Variants in ZFHX2 observed in about 807,000 individuals in gnomAD.
ZFHX2 encodes zinc finger homeobox protein 2.
In ZFHX2, 75 loss-of-function variants were observed where a neutral mutation model predicts 164.8. The observed-to-expected ratio is 0.46, with a 90% confidence interval of 0.38 to 0.55. ZFHX2 has a LOEUF of 0.55. Among genes scored for constraint, ZFHX2 ranks in the 20% least tolerant of loss-of-function variants. The pLI is 0.00. For missense variants in ZFHX2, 2,933 were observed against 3,308.0 expected (o/e 0.89, Z 2.78); for synonymous variants, 1,217 against 1,351.4 (o/e 0.90, Z 2.18).
chr14:23,528,604 A>C, intron 6 of ZFHX2: 1 of 985,260 alleles, frequency 1.0e-6, no homozygotes, highest in Non-Finnish European at 1.2e-6. Flanking sequence ...GCCTCTGTGA[A>C]CCATCACCTG....
Position 23,522,637 on chromosome 14 carries a change from A to G in ZFHX2, c.7044T>C (p.Phe2348=), listed in dbSNP as rs1183533103. The change falls in exon 10 of 10, where the codon TTT becomes TTC. Residue 2348 remains phenylalanine (F), a synonymous_variant. Coordinates refer to ENST00000419474, the MANE Select transcript of ZFHX2 (RefSeq NM_033400.3). ...PALLGGQFLP[F]PLPPAGGTAP... ...CTGTTCCCCCAGCAGGGGGCAATGG[A>G]AAGGGCAGGAACTGGCCCCCCAACA... The G allele has an allele frequency of 6.5e-7, 1 of 1,535,318 alleles. No individual in the cohort carries two copies. Among genetic ancestry groups the G allele is most frequent in the South Asian group, 1.2e-5 (1 of 83,988 alleles).
intron 1 of ZFHX2, among the ~76,000 whole-genome samples, chr14:23,549,341 A>C (rs1376576505): frequency 1.3e-5 from 2 of 151,354 alleles, no homozygotes; most frequent in African/African-American, 4.9e-5. Flanking sequence ...AATTCTGTTC[A>C]CCTCTGAAAT....
chr14:23,552,095 C>T (rs1002462646), upstream of ZFHX2, among the ~76,000 whole-genome samples: 44 of 152,176 alleles, frequency 2.9e-4, no homozygotes, highest in African/African-American at 1.0e-3. Context: ...TTCTCTTCTT[C>T]CTGCCTTATT....
Position 23,522,337 on chromosome 14 carries a change from G to A in ZFHX2, c.7344C>T (p.Thr2448=), listed in dbSNP as rs749618743. The change falls in exon 10 of 10, where the codon ACC becomes ACT. Residue 2448 remains threonine (T), a synonymous_variant. Transcript: ENST00000419474. ...GSTGISTVDV[T]HRYLCRQCKM... is the part of the protein sequence containing the mutation. ...TGCACTGGCGGCACAGGTAGCGATG[G>A]GTTACATCCACGGTGGAGATGCCAG... 1.2e-5 allele frequency: 19 copies of A among 1,534,740 alleles called. No homozygotes were observed. The South Asian group carries it at 2.3e-4, about 18-fold the overall frequency.
rs1374324126 is a variant in ZFHX2 at position 23,546,403 on chromosome 14, T to C, written c.-50+4940A>G. 6.6e-6 allele frequency among the ~76,000 whole-genome samples: 1 copy of C among 152,082 alleles called. No individual in the cohort carries two copies. Among genetic ancestry groups the C allele is most frequent in the Non-Finnish European group, 1.5e-5 (1 of 68,028 alleles). The stretch of plus-strand genomic sequence containing the variant: ...TCTCAGTAGAAATTAGAAAAATATA[T>C]CTTCCTCCAGGTGTATGCAGCCCCC... On this transcript the variant is annotated intron_variant, in intron 1 of 9. Transcript: ENST00000419474. This position sits in a 1 kb window ranked among gnomAD's most constrained non-coding sequence, Gnocchi z 4.7.
At chr14:23,554,406 G>A (rs1882189022), upstream of ZFHX2, among the ~76,000 whole-genome samples, 1 of 152,106 alleles carries the variant, frequency 6.6e-6, no homozygotes, top group South Asian at 2.1e-4. Context: ...ACAGGGTCTT[G>A]CTCTGTTGCC....
intron 4 of ZFHX2, chr14:23,530,434 G>A (rs1879391248): frequency 3.0e-6 from 2 of 677,490 alleles, no homozygotes; most frequent in Non-Finnish European, 5.4e-6. Context: ...TCCAGTTCCT[G>A]TCCTTTTATA....
rs543156172 is a variant in ZFHX2 at position 23,527,546 on chromosome 14, C to T, written c.3135+58G>A. The T allele has an allele frequency of 1.2e-5, 19 of 1,527,310 alleles. No individual in the cohort carries two copies. The African/African-American group carries it at 1.8e-4, about 14-fold the overall frequency. The allele number at this position is 1,527,310 out of a possible 1,614,324, so 94.6% of individuals were successfully genotyped here. A position where few individuals can be genotyped will look rare whatever the true frequency, so the allele number is the denominator to read the frequency against. ...CCTGAATACCCCTGCCTCTTCCTCC[C>T]CTCCTGCACAGCCCTAATAAGGTCT... On this transcript the variant is annotated intron_variant, in intron 7 of 9. Coordinates refer to ENST00000419474, the MANE Select transcript of ZFHX2 (RefSeq NM_033400.3).
At position 23,530,176 on chromosome 14, in the gene ZFHX2, G is replaced by C. The variant is rs575880252; in HGVS notation, c.2819C>G (p.Pro940Arg). 1 of 1,535,844 alleles carries C rather than the reference G, an allele frequency of 6.5e-7. No individual in the cohort carries two copies. The highest frequency in any genetic ancestry group is 8.7e-7 in the Non-Finnish European group (1 of 1,146,670). Residue 940 changes from proline to arginine, a missense_variant, in exon 5 of 10, where the codon CCC (proline) becomes CGC (arginine). Transcript: ENST00000419474. ...CTCAGGGGTGGGTGGCTCAGCTAAG[G>C]GGGTGACAGGAGCCTTCCCTGTGTA... Reference protein sequence around the residue: ...LRTPGKAPVTPLAEPPTPEKD... With the variant: ...LRTPGKAPVTRLAEPPTPEKD...
At position 23,522,228 on chromosome 14, in the gene ZFHX2, G is replaced by A. The variant is rs1293895991; in HGVS notation, c.7453C>T (p.Pro2485Ser). Residue 2485 changes from proline to serine, a missense_variant, in exon 10 of 10, where the codon CCA becomes TCA. Transcript: ENST00000419474. ...FFGRGSGGSM[P>S]PPLRVPICTY... ...CAGATGGGCACCCGCAATGGGGGTG[G>A]CATGGAGCCCCCAGAGCCCCGCCCA... 3.4e-6 allele frequency: 5 copies of A among 1,478,458 alleles called. No individual in the cohort carries two copies. The East Asian group carries it at 9.9e-5, about 29-fold the overall frequency. 91.6% of individuals were successfully genotyped at this position (1,478,458 alleles called of 1,614,324 possible). A position where few individuals can be genotyped will look rare whatever the true frequency, so the allele number is the denominator to read the frequency against.
chr14:23,533,451 G>C lies in ZFHX2; in HGVS notation c.1875C>G (p.Pro625=), dbSNP rs925860397. The C allele has an allele frequency of 1.3e-6, 2 of 1,533,680 alleles. No individual in the cohort carries two copies. Among genetic ancestry groups the C allele is most frequent in the African/African-American group, 1.4e-5 (1 of 73,126 alleles). ...ACTGGAAGAGTTCAGGGGGGCTAGT[G>C]GGGGTAGCCCCTGGTGGGGGAGGAG... ...PGPPPPPGAT[P]TSPPELFQYF... is the part of the protein sequence containing the mutation. Residue 625 remains proline (P), a synonymous_variant, in exon 2 of 10, where the codon CCC becomes CCG. Coordinates refer to ENST00000419474, the MANE Select transcript of ZFHX2 (RefSeq NM_033400.3). The surrounding 1 kb of genome is among the most constrained non-coding windows in gnomAD (Gnocchi z 4.8).
Position 23,522,493 on chromosome 14 carries a change from G to A in ZFHX2, c.7188C>T (p.Leu2396=), listed in dbSNP as rs531558056. ...PMIPQTLIGL[L]PNALLQPPPQ... ...GTGGCGGCTGGAGGAGGGCATTGGG[G>A]AGCAGCCCAATGAGGGTCTGAGGTA... Residue 2396 remains leucine, a synonymous_variant, in exon 10 of 10, where the codon CTC becomes CTT. Transcript: ENST00000419474. 3 of 1,534,498 alleles carry A rather than the reference G, an allele frequency of 2.0e-6. No homozygotes were observed. In the African/African-American group the frequency reaches 4.1e-5, roughly 21 times the overall value.
In ZFHX2 at chr14:23,525,221, T is replaced by C; in HGVS notation, c.4721A>G (p.His1574Arg). Reference protein sequence around the residue: ...APEERSRAGGHWPIEEEESSR... With the variant: ...APEERSRAGGRWPIEEEESSR... The stretch of plus-strand genomic sequence containing the variant: ...GCTTTCTTCCTCTTCTATGGGCCAG[T>C]GTCCCCCTGCTCGACTTCGCTCTTC... The change falls in exon 9 of 10, where the codon CAC becomes CGC. Residue 1574 changes from histidine (H) to arginine (R), a missense_variant. Transcript: ENST00000419474. The surrounding 1 kb of genome is among the most constrained non-coding windows in gnomAD (Gnocchi z 5.9). The C allele has an allele frequency of 6.5e-7, 1 of 1,536,140 alleles. No homozygotes were observed. Among genetic ancestry groups the C allele is most frequent in the Non-Finnish European group, 8.7e-7 (1 of 1,146,908 alleles).
rs577449260 is a variant in ZFHX2, at chr14:23,534,614, G to A, written c.712C>T (p.Leu238Phe). The A allele has an allele frequency of 2.5e-5, 39 of 1,536,046 alleles. No individual in the cohort carries two copies. The highest frequency in any genetic ancestry group is 3.3e-4 in the Middle Eastern group (2 of 6,012). Residue 238 changes from leucine (L) to phenylalanine (F), a missense_variant, in exon 2 of 10, where the codon CTC (leucine) becomes TTC (phenylalanine). Coordinates refer to ENST00000419474, the MANE Select transcript of ZFHX2 (RefSeq NM_033400.3). The surrounding 1 kb of genome is among the most constrained non-coding windows in gnomAD (Gnocchi z 4.5). ...AAACCCAGGCGGCACAGAAGGCAGA[G>A]CCAGAAGACCGCCACGTGGTTGCCC... ...SGGNHVAVFW[L>F]CLLCRLGFSK... is the part of the protein sequence containing the mutation.
In ZFHX2 at chr14:23,525,268, C is replaced by T; in HGVS notation, c.4674G>A (p.Glu1558=). The T allele has an allele frequency of 6.5e-7, 1 of 1,536,120 alleles. No homozygotes were observed. Among genetic ancestry groups the T allele is most frequent in the South Asian group, 1.2e-5 (1 of 84,064 alleles). ...CTTCAGGGGCACGGGTCCCCCCTGC[C>T]TCAGGCTCTGGGACCAGGAAGGGTG... is the stretch of plus-strand genomic sequence containing the variant. ...LGPPFLVPEP[E]AGGTRAPEER... Residue 1558 remains glutamate, a synonymous_variant, in exon 9 of 10, where the codon GAG becomes GAA. Transcript: ENST00000419474. The surrounding 1 kb of genome is among the most constrained non-coding windows in gnomAD (Gnocchi z 5.9).
rs892965508 is a variant in ZFHX2 at position 23,534,523 on chromosome 14, T to C, written c.803A>G (p.Tyr268Cys). 6.0e-5 allele frequency: 92 copies of C among 1,535,942 alleles called. No homozygotes were observed. Among genetic ancestry groups the C allele is most frequent in the Non-Finnish European group, 7.1e-5 (81 of 1,146,896 alleles). Residue 268 changes from tyrosine to cysteine, a missense_variant, in exon 2 of 10, where the codon TAT becomes TGT. Tyr to Cys is a radical substitution (Grantham distance 194). Transcript: ENST00000419474. The surrounding 1 kb of genome is among the most constrained non-coding windows in gnomAD (Gnocchi z 4.5). Reference sequence around the variant, plus strand: ...AGCTGGGCTACCTGACAGGCCCTGATATTGGGCAGGGGTTAGCTTCACCCC... The same window carrying C: ...AGCTGGGCTACCTGACAGGCCCTGACATTGGGCAGGGGTTAGCTTCACCCC... ...SHGVKLTPAQYQGLSGSPAVL... is the reference protein window; with the variant it reads ...SHGVKLTPAQCQGLSGSPAVL...
chr14:23,528,475 A>C (rs1595148674), intron 6 of ZFHX2, among the ~76,000 whole-genome samples: 1 of 151,038 alleles, frequency 6.6e-6, no homozygotes, highest in East Asian at 1.9e-4. Context: ...TACTGCCCCC[A>C]CCTTGGATTT....
At position 23,533,253 on chromosome 14, in the gene ZFHX2, GGA is replaced by G; in HGVS notation, c.2041+30_2041+31del. The G allele has an allele frequency of 9.0e-7, 1 of 1,106,060 alleles. No homozygotes were observed. The highest frequency in any genetic ancestry group is 1.2e-6 in the Non-Finnish European group (1 of 834,954). The allele number at this position is 1,106,060 out of a possible 1,614,324, so 68.5% of individuals were successfully genotyped here. Reference sequence around the variant, plus strand: ...ACGGAATAGAGTTTGGCCCTGGGGAGGAGAGAAGAGGGAAGAAGCACAGAAGC... The same window carrying G: ...ACGGAATAGAGTTTGGCCCTGGGGAGGAGAAGAGGGAAGAAGCACAGAAGC... On this transcript the variant is annotated intron_variant, in intron 2 of 9. Coordinates refer to ENST00000419474, the MANE Select transcript of ZFHX2 (RefSeq NM_033400.3). The surrounding 1 kb of genome is among the most constrained non-coding windows in gnomAD (Gnocchi z 4.8).
rs1878011613 is a variant in ZFHX2, at chr14:23,521,681, G to C, written c.*281C>G. ...GTAGGCAGACATGTATGAATAATCA[G>C]GGTGCCAAGATGGGTGTATGTGTCT... On this transcript the variant is annotated 3_prime_UTR_variant, in exon 10 of 10. Coordinates refer to ENST00000419474, the MANE Select transcript of ZFHX2 (RefSeq NM_033400.3). 4.7e-6 allele frequency: 2 copies of C among 427,172 alleles called. No individual in the cohort carries two copies. Among genetic ancestry groups the C allele is most frequent in the Non-Finnish European group, 8.3e-6 (2 of 240,712 alleles). The allele number at this position is 427,172 out of a possible 1,614,324, so 26.5% of individuals were successfully genotyped here.
Sources: gnomAD v4.1 joint callset for allele counts (sites outside exome capture counted in the v4.1 genomes callset) on GRCh38, gnomAD v4.1.1 for gene constraint, Gnocchi (gnomAD v3.1) non-coding constraint, MANE v1.5 for transcripts, NCBI Gene and HGNC (gene_info 2026-07-23, HGNC 2026-07-21) for gene names.